PPM1A: variants seen among roughly 807,000 people sequenced by gnomAD.
The protein encoded by PPM1A is protein phosphatase 1A.
Under a neutral mutation model 35.0 loss-of-function variants are expected in PPM1A, and 7 were observed. The ratio of observed to expected loss-of-function variants is 0.20; its 90% CI spans 0.11 to 0.38. PPM1A has a LOEUF of 0.38. Ranked by LOEUF, PPM1A falls within the 10% of genes least tolerant of loss-of-function variation. The pLI, the probability that PPM1A is intolerant of heterozygous loss-of-function variation, is 1.00. For synonymous variants in PPM1A, 153 were observed against 167.3 expected, an observed-to-expected ratio of 0.91 and a Z score of 0.66; for missense variants, 239 against 467.8, an observed-to-expected ratio of 0.51 and a Z score of 4.51.
At chr14:60,279,601 G>T (rs879594552) in intron 1 of PPM1A, among the ~76,000 whole-genome samples, 1 of 152,176 alleles carries the variant, frequency 6.6e-6, no homozygotes, top group Non-Finnish European at 1.5e-5. Flanking sequence ...TCAACTAGCT[G>T]TTGCCAGTTG....
At position 60,289,388 on chromosome 14, in the gene PPM1A, A is replaced by G. The variant is rs1887385705; in HGVS notation, c.953-418A>G. ...TATAATTAAGGGTTGTTATTTTCAA[A>G]TCTTGAAATTGTTTATTTTTTAAAA... is the stretch of plus-strand genomic sequence containing the variant. On this transcript the variant is annotated intron_variant, in intron 3 of 5. Coordinates refer to ENST00000395076, the MANE Select transcript of PPM1A (RefSeq NM_021003.5). This position sits in a 1 kb window ranked among gnomAD's most constrained non-coding sequence, Gnocchi z 4.1. Among the ~76,000 whole-genome samples the G allele has an allele frequency of 1.3e-5, 2 of 152,128 alleles. No individual in the cohort carries two copies. The highest frequency in any genetic ancestry group is 4.1e-4 in the South Asian group (2 of 4,830).
At chr14:60,287,607 A>T in intron 3 of PPM1A, 1 of 985,092 alleles carries the variant, frequency 1.0e-6, no homozygotes, top group African/African-American at 1.7e-5. Context: ...GATTGCTGTG[A>T]CCTACTAAAC....
rs980340299 is a variant in PPM1A, at chr14:60,293,242, A to G, written c.*760A>G. 3 of 151,992 alleles carry G rather than the reference A, an allele frequency of 2.0e-5. No homozygotes were observed. Among genetic ancestry groups the G allele is most frequent in the African/African-American group, 7.2e-5 (3 of 41,390 alleles). The allele number at this position is 151,992 out of a possible 1,614,324, so 9.4% of individuals were successfully genotyped here. A position where few individuals can be genotyped will look rare whatever the true frequency, so the allele number is the denominator to read the frequency against. ...ATTGATAAGCAGCAGCTTCCTACAT[A>G]TAGTAGGAAACTGCCACATTTTTGC... On this transcript the variant is annotated 3_prime_UTR_variant, in exon 6 of 6. Transcript: ENST00000395076. The surrounding 1 kb of genome is among the most constrained non-coding windows in gnomAD (Gnocchi z 4.0).
At chr14:60,271,560 G>A (rs1426453600) in intron 1 of PPM1A, among the ~76,000 whole-genome samples, 1 of 152,188 alleles carries the variant, frequency 6.6e-6, no homozygotes, top group African/African-American at 2.4e-5. Context: ...TGGTGGAAAA[G>A]TATATGAATT....
At position 60,249,344 on chromosome 14, in the gene PPM1A, C is replaced by G; in HGVS notation, c.-354C>G. 1 of 256,160 alleles carries G rather than the reference C, an allele frequency of 3.9e-6. No individual in the cohort carries two copies. The highest frequency in any genetic ancestry group is 4.4e-6 in the Non-Finnish European group (1 of 226,002). 15.9% of individuals were successfully genotyped at this position (256,160 alleles called of 1,614,324 possible). ...TCCTCAGGCGGCTGTTGCTCCGGAA[C>G]GGGTGGTTGGGGAGGGGGGGGTGGG... is the stretch of plus-strand genomic sequence containing the variant. On this transcript the variant is annotated 5_prime_UTR_variant, in exon 1 of 6. Coordinates refer to ENST00000395076, the MANE Select transcript of PPM1A (RefSeq NM_021003.5). The surrounding 1 kb of genome is among the most constrained non-coding windows in gnomAD (Gnocchi z 4.5).
intron 1 of PPM1A, among the ~76,000 whole-genome samples, chr14:60,253,098 GT>G (rs1882636032): frequency 6.6e-6 from 1 of 152,120 alleles, no homozygotes; most frequent in Admixed American, 6.5e-5. Flanking sequence ...TATTAGAGAT[GT>G]TTTAAGCTTC....
Position 60,289,875 on chromosome 14 carries a change from A to G in PPM1A, c.1022A>G (p.Asn341Ser). 6.3e-7 allele frequency: 1 copy of G among 1,594,010 alleles called. No individual in the cohort carries two copies. Among genetic ancestry groups the G allele is most frequent in the Non-Finnish European group, 8.5e-7 (1 of 1,174,214 alleles). Residue 341 changes from asparagine to serine, a missense_variant, in exon 4 of 6, where the codon AAC (asparagine) becomes AGC (serine). Around this residue, in one of 2 missense-constraint regions of PPM1A, gnomAD observed 64 missense variants for 78.6 expected, o/e 0.81. Coordinates refer to ENST00000395076, the MANE Select transcript of PPM1A (RefSeq NM_021003.5). This position sits in a 1 kb window ranked among gnomAD's most constrained non-coding sequence, Gnocchi z 4.1. ...GTGATGCGCACATTAGCGAGTGAGA[A>G]CATCCCCAGCCTCCCACCAGGGGGT... ...VHVMRTLASE[N>S]IPSLPPGGEL...
chr14:60,275,056 T>G (rs1470004281), intron 1 of PPM1A, among the ~76,000 whole-genome samples: 1 of 145,144 alleles, frequency 6.9e-6, no homozygotes, highest in Non-Finnish European at 1.5e-5. Flanking sequence ...GATTTCTTTC[T>G]TTTCTCTTCT....
At chr14:60,281,554 A>G (rs1886408827) in intron 1 of PPM1A, among the ~76,000 whole-genome samples, 1 of 151,452 alleles carries the variant, frequency 6.6e-6, no homozygotes, top group Non-Finnish European at 1.5e-5. Flanking sequence ...CTACTACCTA[A>G]CTCCTCTTCA....
intron 3 of PPM1A, 57 bp downstream of exon 3, chr14:60,285,798 C>A: frequency 1.3e-6 from 2 of 1,589,044 alleles, no homozygotes; most frequent in South Asian, 1.1e-5. Flanking sequence ...TCAACACAAT[C>A]AAACTTTAAC....
At chr14:60,286,443 T>C in intron 3 of PPM1A, 3 of 985,326 alleles carry the variant, frequency 3.0e-6, no homozygotes, top group South Asian at 9.4e-5. Flanking sequence ...GTATATATTA[T>C]GCAGTTTCTC....
chr14:60,291,696 A>AT (rs1887649319), intron 5 of PPM1A, among the ~76,000 whole-genome samples: 1 of 150,386 alleles, frequency 6.6e-6, no homozygotes, highest in Admixed American at 6.6e-5. Context: ...ATTATTCTAG[A>AT]TTTTTTAAGT....
intron 3 of PPM1A, chr14:60,286,045 T>C (rs1177738757): frequency 9.8e-7 from 1 of 1,024,488 alleles, no homozygotes; most frequent in Non-Finnish European, 1.2e-6. Context: ...ATGAGTAATT[T>C]TATGCCGGGA....
At chr14:60,247,215 T>C (rs1485361047), upstream of PPM1A, among the ~76,000 whole-genome samples, 2 of 152,136 alleles carry the variant, frequency 1.3e-5, no homozygotes, top group Non-Finnish European at 2.9e-5. Context: ...AATTTCTTTT[T>C]TTGGGGGGTC....
intron 3 of PPM1A, chr14:60,288,458 C>T: frequency 2.0e-6 from 2 of 983,090 alleles, no homozygotes; most frequent in African/African-American, 3.5e-5. Flanking sequence ...ACATCAAATC[C>T]CTTTATTTTT....
chr14:60,284,885 G>A (rs1886821330), intron 2 of PPM1A, among the ~76,000 whole-genome samples: 1 of 151,640 alleles, frequency 6.6e-6, no homozygotes, highest in Non-Finnish European at 1.5e-5. Flanking sequence ...GCCACACTCT[G>A]TTCTGTTTTG....
intron 1 of PPM1A, among the ~76,000 whole-genome samples, chr14:60,281,721 G>C (rs879354182): frequency 6.6e-6 from 1 of 152,128 alleles, no homozygotes; most frequent in Non-Finnish European, 1.5e-5. Context: ...TCTTTGCCTT[G>C]TGTGGGCCCA....
At chr14:60,265,926 A>G (rs1884320453) in intron 1 of PPM1A, among the ~76,000 whole-genome samples, 1 of 152,228 alleles carries the variant, frequency 6.6e-6, no homozygotes, top group Non-Finnish European at 1.5e-5. Flanking sequence ...TTCAATTTCA[A>G]CATGAGTTTT....
At chr14:60,262,339 G>T (rs898145275) in intron 1 of PPM1A, among the ~76,000 whole-genome samples, 8 of 152,184 alleles carry the variant, frequency 5.3e-5, no homozygotes, top group Non-Finnish European at 1.0e-4. Flanking sequence ...ATAGAAGTCT[G>T]TGAAAATATT....
Sources: gnomAD v4.1 joint callset for allele counts (sites outside exome capture counted in the v4.1 genomes callset) on GRCh38, gnomAD v4.1.1 for gene constraint, gnomAD v4.1.1 regional missense constraint, Gnocchi (gnomAD v3.1) non-coding constraint, MANE v1.5 for transcripts, NCBI Gene and HGNC (gene_info 2026-07-23, HGNC 2026-07-21) for gene names.